LPAR3: variants seen among roughly 807,000 people sequenced by gnomAD.
LPAR3 encodes lysophosphatidic acid receptor 3, also known as LPA receptor 3.
Under a neutral mutation model 17.8 loss-of-function variants are expected in LPAR3, and 7 were observed. The observed-to-expected ratio is 0.39, with a 90% confidence interval of 0.22 to 0.74. The LOEUF (loss-of-function observed/expected upper bound fraction) is 0.74. Among genes scored for constraint, LPAR3 ranks in the 30% least tolerant of loss-of-function variants. The probability of loss-of-function intolerance (pLI) is 0.40; values close to 1 mark genes in which losing one functional copy is unlikely to be tolerated. For missense variants in LPAR3, 391 were observed against 453.4 expected (o/e 0.86, Z 1.25); for synonymous variants, 179 against 179.9 (o/e 0.99, Z 0.04).
intron 1 of LPAR3, among the ~76,000 whole-genome samples, chr1:84,880,761 A>G (rs1660350411): frequency 1.3e-5 from 2 of 152,330 alleles, no homozygotes; most frequent in South Asian, 2.1e-4. Context: ...TTGGCCCAGA[A>G]AGGCCCACGT....
intron 2 of LPAR3, among the ~76,000 whole-genome samples, chr1:84,853,486 C>A (rs769497590): frequency 7.9e-5 from 12 of 152,202 alleles, no homozygotes; most frequent in Non-Finnish European, 1.5e-4. Context: ...CCTGACCCTG[C>A]CTCTGAATTT....
chr1:84,884,950 G>A (rs149054965), intron 1 of LPAR3, among the ~76,000 whole-genome samples: 36 of 152,250 alleles, frequency 2.4e-4, no homozygotes, highest in Non-Finnish European at 3.8e-4. Context: ...TCCAGCTAAC[G>A]TTCTCTCACT....
At chr1:84,855,023 G>T (rs1287834001) in intron 2 of LPAR3, among the ~76,000 whole-genome samples, 4 of 152,172 alleles carry the variant, frequency 2.6e-5, no homozygotes, top group African/African-American at 9.7e-5. Flanking sequence ...AGAGCAGGTG[G>T]CTGGGCTGGA....
chr1:84,827,953 T>C (rs1659194322), intron 2 of LPAR3, among the ~76,000 whole-genome samples: 1 of 152,056 alleles, frequency 6.6e-6, no homozygotes, highest in Non-Finnish European at 1.5e-5. Context: ...TACTCCACCA[T>C]TGTGACTACT....
intron 1 of LPAR3, among the ~76,000 whole-genome samples, chr1:84,887,690 G>A (rs549321359): frequency 1.3e-5 from 2 of 152,194 alleles, no homozygotes; most frequent in South Asian, 4.1e-4. Flanking sequence ...GTTGTAAGAA[G>A]CTAAGAAGAG....
At chr1:84,843,621 C>T (rs1335395813) in intron 2 of LPAR3, among the ~76,000 whole-genome samples, 3 of 152,238 alleles carry the variant, frequency 2.0e-5, no homozygotes, top group South Asian at 2.1e-4. Context: ...GGCAGAGACT[C>T]GCTGATGGAT....
chr1:84,891,947 C>T (rs1433836154), intron 1 of LPAR3, among the ~76,000 whole-genome samples: 3 of 152,132 alleles, frequency 2.0e-5, no homozygotes, highest in Non-Finnish European at 2.9e-5. Context: ...GGCGCAGTGG[C>T]TCACACCTGT....
chr1:84,838,315 T>C (rs1214820804), intron 2 of LPAR3, among the ~76,000 whole-genome samples: 1 of 152,206 alleles, frequency 6.6e-6, no homozygotes, highest in Non-Finnish European at 1.5e-5. Flanking sequence ...CTTTCACAGA[T>C]CACCCTCTTG....
chr1:84,887,974 T>G (rs1660489811), intron 1 of LPAR3, among the ~76,000 whole-genome samples: 1 of 152,090 alleles, frequency 6.6e-6, no homozygotes, highest in Non-Finnish European at 1.5e-5. Flanking sequence ...TGATAGTGTT[T>G]TGTATCAATG....
chr1:84,884,774 T>TG (rs913691809), intron 1 of LPAR3, among the ~76,000 whole-genome samples: 1 of 152,224 alleles, frequency 6.6e-6, no homozygotes, highest in African/African-American at 2.4e-5. Flanking sequence ...AGTAATAACC[T>TG]GGTAGCAATC....
In LPAR3 at chr1:84,857,702, G is replaced by A. The variant is rs888603739; in HGVS notation, c.736+7683C>T. On this transcript the variant is annotated intron_variant, in intron 2 of 2. Coordinates refer to ENST00000370611, the MANE Select transcript of LPAR3 (RefSeq NM_012152.3). The stretch of plus-strand genomic sequence containing the variant: ...TAAACTTCATGACTTGGGTCCAATC[G>A]TTCCAGCCCCCTCACTTCCAAGAGA... Among the ~76,000 whole-genome samples, 11 of 152,274 alleles carry A rather than the reference G, an allele frequency of 7.2e-5. No individual in the cohort carries two copies. The East Asian group carries it at 2.1e-3, about 29-fold the overall frequency.
chr1:84,848,970 A>G (rs776748741), intron 2 of LPAR3, among the ~76,000 whole-genome samples: 4 of 152,168 alleles, frequency 2.6e-5, no homozygotes, highest in Non-Finnish European at 4.4e-5. Flanking sequence ...ATGTCTAGAG[A>G]TCCCTCAATA....
At chr1:84,874,587 A>T (rs967139396) in intron 1 of LPAR3, among the ~76,000 whole-genome samples, 1 of 152,232 alleles carries the variant, frequency 6.6e-6, no homozygotes, top group African/African-American at 2.4e-5. Flanking sequence ...AAGAGGTGAC[A>T]GATGAATTTT....
chr1:84,831,816 T>A (rs953536574), intron 2 of LPAR3, among the ~76,000 whole-genome samples: 5 of 146,614 alleles, frequency 3.4e-5, no homozygotes, highest in Admixed American at 2.8e-4. Flanking sequence ...AACAGTTTCT[T>A]TGGGTAAACT....
In LPAR3 at chr1:84,812,515, C is replaced by T. The variant is rs981934626; in HGVS notation, c.*1331G>A. ...CTGCGATCTTGGCTCACTCTGCAACCTCCACCTCCCGGGTTCAAGTGATTC... is the reference window on the plus strand; with the variant it reads ...CTGCGATCTTGGCTCACTCTGCAACTTCCACCTCCCGGGTTCAAGTGATTC... On this transcript the variant is annotated 3_prime_UTR_variant, in exon 3 of 3. Transcript: ENST00000370611. 1 of 150,090 alleles carries T rather than the reference C, an allele frequency of 6.7e-6. No individual in the cohort carries two copies. Among genetic ancestry groups the T allele is most frequent in the Admixed American group, 6.7e-5 (1 of 14,978 alleles). 9.3% of individuals were successfully genotyped at this position (150,090 alleles called of 1,614,324 possible).
intron 2 of LPAR3, among the ~76,000 whole-genome samples, chr1:84,834,477 G>C (rs1326971510): frequency 2.0e-5 from 3 of 152,138 alleles, no homozygotes; most frequent in African/African-American, 4.8e-5. Context: ...CAACTTTACT[G>C]TTCCTATGGG....
intron 1 of LPAR3, among the ~76,000 whole-genome samples, chr1:84,886,010 A>G (rs1660452879): frequency 6.6e-6 from 1 of 152,212 alleles, no homozygotes; most frequent in South Asian, 2.1e-4. Flanking sequence ...ATATACACAT[A>G]TATTTCCTAG....
rs553795846 is a variant in LPAR3 at position 84,860,544 on chromosome 1, C to T, written c.736+4841G>A. Reference sequence around the variant, plus strand: ...CCTATCCTTCCAGATTACATCCCAGCCCATTAAGAAGCCGTCTCCACACTC... The same window carrying T: ...CCTATCCTTCCAGATTACATCCCAGTCCATTAAGAAGCCGTCTCCACACTC... On this transcript the variant is annotated intron_variant, in intron 2 of 2. Transcript: ENST00000370611. 1.6e-4 allele frequency among the ~76,000 whole-genome samples: 24 copies of T among 152,246 alleles called. No individual in the cohort carries two copies. In the South Asian group the frequency reaches 5.0e-3, roughly 32 times the overall value.
intron 2 of LPAR3, among the ~76,000 whole-genome samples, chr1:84,819,451 C>T (rs1002306467): frequency 4.6e-5 from 7 of 152,144 alleles, no homozygotes; most frequent in African/African-American, 1.7e-4. Flanking sequence ...CAGAAATCTG[C>T]AGGACTAAAA....
Sources: gnomAD v4.1 joint callset for allele counts (sites outside exome capture counted in the v4.1 genomes callset) on GRCh38, gnomAD v4.1.1 for gene constraint, MANE v1.5 for transcripts, NCBI Gene and HGNC (gene_info 2026-07-23, HGNC 2026-07-21) for gene names.